Variants in UGGT2 observed in about 807,000 individuals in gnomAD.
UGGT2 encodes the protein UDP-glucose glycoprotein glucosyltransferase 2.
A neutral mutation model predicts 192.1 loss-of-function variants in UGGT2; 180 were observed. That is an observed-to-expected ratio of 0.94 (90% CI 0.83 to 1.06). The LOEUF is 1.06. UGGT2 is among the 50% of genes least tolerant of loss of function. The pLI, the probability that UGGT2 is intolerant of heterozygous loss-of-function variation, is 0.00. For missense variants in UGGT2, 1,849 were observed against 1,795.7 expected (o/e 1.03, Z -0.54); for synonymous variants, 580 against 591.0 (o/e 0.98, Z 0.27).
At chr13:95,827,113 GGC>G (rs1267775130) in intron 38 of UGGT2, among the ~76,000 whole-genome samples, 2 of 152,064 alleles carry the variant, frequency 1.3e-5, no homozygotes, top group African/African-American at 4.8e-5. Context: ...TCCAGTGTCA[GGC>G]AACAATCCTC....
Position 95,856,170 on chromosome 13 carries a change from A to G in UGGT2, c.3996T>C (p.Val1332=), listed in dbSNP as rs1889591482. 2 of 1,610,940 alleles carry G rather than the reference A, an allele frequency of 1.2e-6. No homozygotes were observed. The highest frequency in any genetic ancestry group is 1.7e-5 in the Admixed American group (1 of 58,924). ...TTAACCTTATTACCTGGTCAGCATC[A>G]ACAAAAATGATTTTGTCCACTGCTA... ...FPLAVDKIIF[V]DADQIVRHDL... Residue 1332 remains valine (V), a synonymous_variant, in exon 34 of 39, where the codon GTT becomes GTC. Transcript: ENST00000376747.
chr13:95,837,706 C>G (rs1887458151), intron 36 of UGGT2, among the ~76,000 whole-genome samples: 2 of 152,182 alleles, frequency 1.3e-5, no homozygotes, highest in Non-Finnish European at 2.9e-5. Flanking sequence ...GGCAAACTAG[C>G]CTAGTAAGTT....
chr13:95,841,350 G>C (rs981242026), intron 36 of UGGT2, among the ~76,000 whole-genome samples: 3 of 152,174 alleles, frequency 2.0e-5, no homozygotes, highest in African/African-American at 7.2e-5. Context: ...TGGAGGTTCT[G>C]GCAGGGAAGC....
At chr13:95,909,799 TAA>T (rs1172371428) in intron 20 of UGGT2, among the ~76,000 whole-genome samples, 12 of 76,178 alleles carry the variant, frequency 1.6e-4, no homozygotes, top group African/African-American at 6.3e-4. Flanking sequence ...TCCTGCCCAC[TAA>T]AAAAAAAAAA....
chr13:95,948,452 A>G (rs2049953857), intron 13 of UGGT2, among the ~76,000 whole-genome samples: 1 of 152,158 alleles, frequency 6.6e-6, no homozygotes, highest in Non-Finnish European at 1.5e-5. Flanking sequence ...TAGAGATTGA[A>G]TTTTGACCAA....
In UGGT2 at chr13:95,887,901, G is replaced by A; in HGVS notation, c.3029C>T (p.Pro1010Leu). Reference protein sequence around the residue: ...MNCRGRLSEAPLESFYRFVLE... With the variant: ...MNCRGRLSEALLESFYRFVLE... ...GTTCACTCAGATTTACCTTTCTAAA[G>A]GGGCTTCTGAAAGCCTGCCCCTACA... The change falls in exon 26 of 39, where the codon CCT becomes CTT. Residue 1010 changes from proline (P) to leucine (L), a missense_variant. Coordinates refer to ENST00000376747, the MANE Select transcript of UGGT2 (RefSeq NM_020121.4). The A allele has an allele frequency of 6.3e-7, 1 of 1,595,090 alleles. No individual in the cohort carries two copies.
intron 10 of UGGT2, 23 bp from the exon 11 acceptor site, chr13:95,972,694 G>T: frequency 6.4e-7 from 1 of 1,564,858 alleles, no homozygotes; most frequent in East Asian, 2.2e-5. Flanking sequence ...CAAAGCAATA[G>T]TTAACCAGTG....
At chr13:95,810,426 A>G (rs1027543157) in intron 38 of UGGT2, among the ~76,000 whole-genome samples, 4 of 152,166 alleles carry the variant, frequency 2.6e-5, no homozygotes, top group African/African-American at 7.2e-5. Context: ...GATGCCATGT[A>G]TGGTCTGTGT....
chr13:95,853,807 TCTAATA>T, intron 35 of UGGT2, 150 bp from the exon 36 acceptor site: 2 of 515,934 alleles, frequency 3.9e-6, no homozygotes, highest in South Asian at 7.5e-5. Context: ...GCTCCTAATA[TCTAATA>T]CTGTTTCCCA....
chr13:95,996,242 C>T (rs2051615895), intron 6 of UGGT2, 107 bp from the exon 7 acceptor site: 2 of 948,968 alleles, frequency 2.1e-6, no homozygotes, highest in South Asian at 2.9e-5. Context: ...CAGCTCATGC[C>T]TGTAATCCCA....
At chr13:96,002,241 G>A (rs1049678920) in intron 5 of UGGT2, among the ~76,000 whole-genome samples, 3 of 152,136 alleles carry the variant, frequency 2.0e-5, no homozygotes, top group African/African-American at 7.2e-5. Context: ...GTTATTGATG[G>A]TAATGTATCC....
intron 17 of UGGT2, among the ~76,000 whole-genome samples, chr13:95,930,038 G>A (rs2049192209): frequency 6.6e-6 from 1 of 152,166 alleles, no homozygotes; most frequent in African/African-American, 2.4e-5. Flanking sequence ...GATTAGTAGT[G>A]TTGAACATTT....
chr13:96,036,379 A>C (rs2053003381), intron 1 of UGGT2, among the ~76,000 whole-genome samples: 1 of 152,152 alleles, frequency 6.6e-6, no homozygotes, highest in Non-Finnish European at 1.5e-5. Flanking sequence ...CATGGGGGTA[A>C]CGACACACAC....
intron 4 of UGGT2, among the ~76,000 whole-genome samples, chr13:96,014,907 T>C (rs2052280034): frequency 6.6e-6 from 1 of 152,172 alleles, no homozygotes. Flanking sequence ...GAAGTACATT[T>C]AGTAATTTAT....
intron 20 of UGGT2, among the ~76,000 whole-genome samples, chr13:95,910,439 C>T (rs777982892): frequency 2.0e-5 from 3 of 152,044 alleles, no homozygotes; most frequent in South Asian, 2.1e-4. Context: ...GGTTGCAATC[C>T]TAGTCTCTGA....
chr13:95,969,467 A>G (rs921321832), intron 12 of UGGT2, among the ~76,000 whole-genome samples: 5 of 152,202 alleles, frequency 3.3e-5, no homozygotes, highest in African/African-American at 1.2e-4. Flanking sequence ...ATTGTTAAGG[A>G]AAGTTTCTCT....
chr13:95,813,621 T>A (rs1259673487), intron 38 of UGGT2, among the ~76,000 whole-genome samples: 1 of 152,168 alleles, frequency 6.6e-6, no homozygotes, highest in East Asian at 1.9e-4. Context: ...AAGCTTGTTT[T>A]CAAAGGAAGA....
At chr13:95,871,550 C>G (rs1053989974) in intron 29 of UGGT2, among the ~76,000 whole-genome samples, 7 of 152,142 alleles carry the variant, frequency 4.6e-5, no homozygotes, top group Non-Finnish European at 8.8e-5. Flanking sequence ...GGACTCATGT[C>G]TGGGAAAGTT....
Position 95,972,598 on chromosome 13 carries a change from T to A in UGGT2, c.1166A>T (p.Asp389Val), listed in dbSNP as rs781667381. ...LFINGLRVDM[D>V]VYDAFSILDM... Reference sequence around the variant, plus strand: ...TACTTACCTAAAAGCGTCATAAACATCCATATCAACACGAAGGCCATTTAT... The same window carrying A: ...TACTTACCTAAAAGCGTCATAAACAACCATATCAACACGAAGGCCATTTAT... Residue 389 changes from aspartate (D) to valine (V), a missense_variant, in exon 11 of 39, where the codon GAT (aspartate) becomes GTT (valine). Physicochemically the swap from Asp to Val is radical, Grantham distance 152. Coordinates refer to ENST00000376747, the MANE Select transcript of UGGT2 (RefSeq NM_020121.4). 1.6e-5 allele frequency: 26 copies of A among 1,613,088 alleles called. No homozygotes were observed. The highest frequency in any genetic ancestry group is 1.0e-4 in the Admixed American group (6 of 59,932).
Sources: gnomAD v4.1 joint callset for allele counts (sites outside exome capture counted in the v4.1 genomes callset) on GRCh38, gnomAD v4.1.1 for gene constraint, MANE v1.5 for transcripts, NCBI Gene and HGNC (gene_info 2026-07-23, HGNC 2026-07-21) for gene names.